The following GRIN3A variants were observed in gnomAD, a reference collection of about 807,000 sequenced individuals.
The protein encoded by GRIN3A is glutamate ionotropic receptor NMDA type subunit 3A, also known as glutamate receptor ionotropic, NMDA 3A.
A neutral mutation model predicts 92.4 loss-of-function variants in GRIN3A; 47 were observed. That is an observed-to-expected ratio of 0.51 (90% CI 0.40 to 0.65). The LOEUF (loss-of-function observed/expected upper bound fraction) is 0.65, where lower values mean the gene tolerates loss of function less well. Ranked by LOEUF, GRIN3A falls within the 30% of genes least tolerant of loss-of-function variation. The probability of loss-of-function intolerance (pLI) is 0.00; values close to 1 mark genes in which losing one functional copy is unlikely to be tolerated. For synonymous variants in GRIN3A, 527 were observed against 540.6 expected (o/e 0.97, Z 0.35); for missense variants, 1,324 against 1,393.1 (o/e 0.95, Z 0.79).
intron 1 of GRIN3A, among the ~76,000 whole-genome samples, chr9:101,702,210 G>A (rs1193339977): frequency 1.3e-5 from 2 of 152,132 alleles, no homozygotes; most frequent in African/African-American, 2.4e-5. Context: ...GCTGAGGCAC[G>A]AGAATTGCTT....
chr9:101,702,677 A>G (rs571962857), intron 1 of GRIN3A, among the ~76,000 whole-genome samples: 1 of 152,304 alleles, frequency 6.6e-6, no homozygotes, highest in Non-Finnish European at 1.5e-5. Flanking sequence ...GAGATCTTAT[A>G]TATTGGACTC....
chr9:101,590,346 CTATT>C (rs35611429), intron 6 of GRIN3A, among the ~76,000 whole-genome samples: 13,432 of 143,244 alleles, frequency 0.094, 724 homozygotes, highest in African/African-American at 0.13. Flanking sequence ...TAATGACACT[CTATT>C]TATTTATTTA....
At chr9:101,664,155 A>T (rs1250034577) in intron 3 of GRIN3A, among the ~76,000 whole-genome samples, 2 of 151,896 alleles carry the variant, frequency 1.3e-5, no homozygotes, top group Non-Finnish European at 2.9e-5. Context: ...CCCAAAGAGA[A>T]ACCTCACTGG....
chr9:101,658,760 G>GTCTATCTA lies in GRIN3A; in HGVS notation c.2352+11292_2352+11299dup, dbSNP rs60257626. On this transcript the variant is annotated intron_variant, in intron 3 of 8. Transcript: ENST00000361820. ...TATTTGTCTATCTATCTGTCTATCTGTCTATCTATCTATCTATCTATGTAT... is the reference window on the plus strand; with the variant it reads ...TATTTGTCTATCTATCTGTCTATCTGTCTATCTATCTATCTATCTATCTATCTATGTAT... Among the ~76,000 whole-genome samples, 862 of 151,444 alleles carry GTCTATCTA rather than the reference G, an allele frequency of 5.7e-3. 11 individuals carry two copies. The highest frequency in any genetic ancestry group is 0.02 in the African/African-American group (825 of 41,320).
intron 5 of GRIN3A, among the ~76,000 whole-genome samples, chr9:101,616,203 T>C (rs916108210): frequency 1.3e-5 from 2 of 152,224 alleles, no homozygotes; most frequent in Non-Finnish European, 2.9e-5. Flanking sequence ...TATACGCTTG[T>C]GCCTAGTATT....
chr9:101,597,137 CTT>C (rs1828146224), intron 6 of GRIN3A, among the ~76,000 whole-genome samples: 1 of 152,152 alleles, frequency 6.6e-6, no homozygotes, highest in Admixed American at 6.5e-5. Flanking sequence ...CAAGTTAAGA[CTT>C]TGGGGATTTT....
chr9:101,586,197 C>T (rs755823716), intron 6 of GRIN3A, among the ~76,000 whole-genome samples: 1 of 152,128 alleles, frequency 6.6e-6, no homozygotes, highest in Non-Finnish European at 1.5e-5. Context: ...CAATCTATCT[C>T]TCTTACTTTG....
intron 6 of GRIN3A, among the ~76,000 whole-genome samples, chr9:101,612,294 G>A (rs1331527758): frequency 1.3e-5 from 2 of 152,214 alleles, no homozygotes; most frequent in Admixed American, 1.3e-4. Flanking sequence ...GAATGTGGAA[G>A]ATGAGATGTG....
intron 6 of GRIN3A, among the ~76,000 whole-genome samples, chr9:101,586,042 G>A (rs141480563): frequency 2.6e-5 from 4 of 152,238 alleles, no homozygotes; most frequent in Non-Finnish European, 5.9e-5. Flanking sequence ...GTTCGTGCCT[G>A]TAAACTCTTC....
At chr9:101,702,278 G>T (rs1261417863) in intron 1 of GRIN3A, among the ~76,000 whole-genome samples, 1 of 152,116 alleles carries the variant, frequency 6.6e-6, no homozygotes, top group East Asian at 1.9e-4. Context: ...CCTCAGCCTG[G>T]TTGACAGAGT....
At chr9:101,676,194 C>G (rs1348956111) in intron 2 of GRIN3A, among the ~76,000 whole-genome samples, 1 of 151,694 alleles carries the variant, frequency 6.6e-6, no homozygotes, top group African/African-American at 2.4e-5. Flanking sequence ...CTTTCATGAC[C>G]TAGTTATTTA....
chr9:101,728,720 T>C (rs1166536750), intron 1 of GRIN3A, among the ~76,000 whole-genome samples: 1 of 152,204 alleles, frequency 6.6e-6, no homozygotes, highest in African/African-American at 2.4e-5. Context: ...TAAATGCGAC[T>C]CAGGGTTAAT....
chr9:101,737,894 G>T lies in GRIN3A; in HGVS notation c.86C>A (p.Pro29His). ...GGGCTGCGGGTGCGAGGAGGAGCTG[G>T]GCACCCCGGCCAGCACCAGTGCGCA... The part of the protein sequence containing the change: ...PPCALVLAGV[P>H]SSSSHPQPCQ... The change falls in exon 1 of 9, where the codon CCC becomes CAC. Residue 29 changes from proline (P) to histidine (H), a missense_variant. Physicochemically the swap from Pro to His is moderately conservative, Grantham distance 77. Coordinates refer to ENST00000361820, the MANE Select transcript of GRIN3A (RefSeq NM_133445.3). 10 of 1,534,570 alleles carry T rather than the reference G, an allele frequency of 6.5e-6. No homozygotes were observed. Among genetic ancestry groups the T allele is most frequent in the Non-Finnish European group, 8.7e-6 (10 of 1,146,756 alleles).
In GRIN3A at chr9:101,573,356, G is replaced by A. The variant is rs776150826; in HGVS notation, c.3166C>T (p.Pro1056Ser). The A allele has an allele frequency of 2.5e-6, 4 of 1,613,936 alleles. No homozygotes were observed. The East Asian group carries it at 8.9e-5, about 36-fold the overall frequency. Reference sequence around the variant, plus strand: ...TTCCCATTGGTGGTCCGCAAGGCAGGGAGCTCTCTTCTCCTTGGAGGGAGG... The same window carrying A: ...TTCCCATTGGTGGTCCGCAAGGCAGAGAGCTCTCTTCTCCTTGGAGGGAGG... ...IPLPPRRREL[P>S]ALRTTNGKAD... The change falls in exon 9 of 9, where the codon CCT becomes TCT. Residue 1056 changes from proline (P) to serine (S), a missense_variant. Transcript: ENST00000361820.
At chr9:101,579,427 CTT>C in intron 6 of GRIN3A, 67 bp from the exon 7 acceptor site, 1 of 1,520,078 alleles carries the variant, frequency 6.6e-7, no homozygotes, top group African/African-American at 1.4e-5. Context: ...CTTGTGTACT[CTT>C]TGGTTTTCAG....
At chr9:101,705,137 G>A (rs546297867) in intron 1 of GRIN3A, among the ~76,000 whole-genome samples, 83 of 152,166 alleles carry the variant, frequency 5.5e-4, no homozygotes, top group African/African-American at 2.0e-3. Flanking sequence ...CCCAAAAGTT[G>A]CATTTCCAAG....
chr9:101,645,534 G>A (rs1828926225), intron 3 of GRIN3A, among the ~76,000 whole-genome samples: 1 of 151,550 alleles, frequency 6.6e-6, no homozygotes, highest in Non-Finnish European at 1.5e-5. Context: ...GGATCTTATG[G>A]TATGATTGCT....
rs575494868 is a variant in GRIN3A at position 101,613,854 on chromosome 9, T to G, written c.2615-327A>C. The stretch of plus-strand genomic sequence containing the variant: ...TCTTTATCAGGGCTAGGATTTCCTA[T>G]CTACCTCTTCCAGAACCCCTCTTCT... On this transcript the variant is annotated intron_variant, in intron 5 of 8. Transcript: ENST00000361820. 2.6e-5 allele frequency among the ~76,000 whole-genome samples: 4 copies of G among 152,328 alleles called. No homozygotes were observed. The South Asian group carries it at 8.3e-4, about 32-fold the overall frequency.
intron 3 of GRIN3A, among the ~76,000 whole-genome samples, chr9:101,662,789 G>C (rs899203894): frequency 6.6e-6 from 1 of 151,656 alleles, no homozygotes; most frequent in Admixed American, 6.6e-5. Context: ...TTATGTGGTG[G>C]TACATTAACA....
Sources: gnomAD v4.1 joint callset for allele counts (sites outside exome capture counted in the v4.1 genomes callset) on GRCh38, gnomAD v4.1.1 for gene constraint, MANE v1.5 for transcripts, NCBI Gene and HGNC (gene_info 2026-07-23, HGNC 2026-07-21) for gene names.